The following ADD2 variants were observed in gnomAD, a reference collection of about 807,000 sequenced individuals.
The protein encoded by ADD2 is adducin 2.
Under a neutral mutation model 83.0 loss-of-function variants are expected in ADD2, and 23 were observed. That is an observed-to-expected ratio of 0.28 (90% CI 0.20 to 0.39). The LOEUF is 0.39. ADD2 is among the 10% of genes least tolerant of loss of function. ADD2 has a pLI of 1.00. For synonymous variants in ADD2, 375 were observed against 375.4 expected (o/e 1.00, Z 0.01); for missense variants, 758 against 944.9 (o/e 0.80, Z 2.59).
In ADD2 at chr2:70,663,108, G is replaced by T; in HGVS notation, c.*317C>A. 3.6e-6 allele frequency: 1 copy of T among 276,224 alleles called. No individual in the cohort carries two copies. Among genetic ancestry groups the T allele is most frequent in the Non-Finnish European group, 6.8e-6 (1 of 146,172 alleles). The allele number at this position is 276,224 out of a possible 1,614,324, so 17.1% of individuals were successfully genotyped here. On this transcript the variant is annotated 3_prime_UTR_variant, in exon 16 of 16. Transcript: ENST00000264436. ...CTTCTTGCCCTAGGCTCAGATTGGT[G>T]GACAGCATCCAAACAAAGGCAGCCC...
chr2:70,687,610 AAACAAAC>A (rs1670805395), intron 9 of ADD2, among the ~76,000 whole-genome samples: 1 of 151,854 alleles, frequency 6.6e-6, no homozygotes, highest in South Asian at 2.1e-4. Flanking sequence ...ACAAACAAAC[AAACAAAC>A]AAACAAACAA....
At chr2:70,669,776 A>AC (rs1412113211) in intron 15 of ADD2, among the ~76,000 whole-genome samples, 24 of 152,192 alleles carry the variant, frequency 1.6e-4, no homozygotes, top group African/African-American at 5.6e-4. Flanking sequence ...GCCTTATACC[A>AC]CCATGTATAA....
intron 10 of ADD2, among the ~76,000 whole-genome samples, chr2:70,683,160 A>G (rs1553369856): frequency 6.6e-6 from 1 of 151,412 alleles, no homozygotes; most frequent in Non-Finnish European, 1.5e-5. Flanking sequence ...AGTAGCTGGG[A>G]CTACAGGTAT....
chr2:70,666,643 G>A (rs573738363), intron 15 of ADD2, among the ~76,000 whole-genome samples: 2 of 152,326 alleles, frequency 1.3e-5, no homozygotes, highest in Admixed American at 1.3e-4. Context: ...CCTGCCTGGT[G>A]GCAATGAGTA....
At chr2:70,756,071 G>GAAAAAAAAAAAAAAAAAAAAAAAAAA (rs10549289) in intron 1 of ADD2, among the ~76,000 whole-genome samples, 2 of 117,398 alleles carry the variant, frequency 1.7e-5, no homozygotes, top group Non-Finnish European at 1.9e-5. Flanking sequence ...GCAAAAAAAA[G>GAAAAAAAAAAAAAAAAAAAAAAAAAA]AAAAAAAAAA....
In ADD2 at chr2:70,663,289, T is replaced by G; in HGVS notation, c.*136A>C. 9.8e-7 allele frequency: 1 copy of G among 1,019,684 alleles called. No homozygotes were observed. Among genetic ancestry groups the G allele is most frequent in the Non-Finnish European group, 1.4e-6 (1 of 693,864 alleles). 63.2% of individuals were successfully genotyped at this position (1,019,684 alleles called of 1,614,324 possible). On this transcript the variant is annotated 3_prime_UTR_variant, in exon 16 of 16. Transcript: ENST00000264436. ...GTAAAACGAAGGGTTGGTCGGGTGA[T>G]CTCTAAGTTCCCCTTCCGAATGTGG...
In ADD2 at chr2:70,704,448, C is replaced by T. The variant is rs545873827; in HGVS notation, c.195G>A (p.Glu65=). The part of the protein sequence containing the change: ...TMILQSPSFR[E]ELEGLIQEQM... ...GCTCCTGGATGAGGCCTTCCAGCTC[C>T]TCCCTGAAAGACTGAAGCAGGCCCC... The change falls in exon 4 of 16, where the codon GAG becomes GAA. Residue 65 remains glutamate, a synonymous_variant. Transcript: ENST00000264436. The T allele has an allele frequency of 5.6e-5, 91 of 1,614,052 alleles. No individual in the cohort carries two copies. Among genetic ancestry groups the T allele is most frequent in the Non-Finnish European group, 7.0e-5 (83 of 1,180,034 alleles).
chr2:70,716,569 GTC>G (rs1175318138), intron 1 of ADD2, among the ~76,000 whole-genome samples: 5 of 152,194 alleles, frequency 3.3e-5, no homozygotes, highest in Admixed American at 3.3e-4. Flanking sequence ...GGCGGCCTGT[GTC>G]TCTGCGTTTC....
chr2:70,677,944 A>G (rs1553368734), intron 11 of ADD2, 67 bp from the exon 12 acceptor site: 1 of 1,600,816 alleles, frequency 6.2e-7, no homozygotes, highest in African/African-American at 1.3e-5. Context: ...CCAGTGGTCC[A>G]CCCACGAGAT....
intron 1 of ADD2, among the ~76,000 whole-genome samples, chr2:70,750,011 A>T (rs782264713): frequency 3.9e-5 from 6 of 152,342 alleles, no homozygotes; most frequent in Non-Finnish European, 7.4e-5. Context: ...TTTGGGGATC[A>T]GTAGGGTATA....
chr2:70,699,771 T>G (rs1671494971), intron 4 of ADD2, among the ~76,000 whole-genome samples: 1 of 151,772 alleles, frequency 6.6e-6, no homozygotes, highest in African/African-American at 2.4e-5. Flanking sequence ...CAGGGCAAGA[T>G]CCTGTCTCAA....
intron 1 of ADD2, among the ~76,000 whole-genome samples, chr2:70,718,821 C>T (rs531949398): frequency 6.6e-6 from 1 of 152,286 alleles, no homozygotes; most frequent in African/African-American, 2.4e-5. Context: ...GTTACTTCAC[C>T]ACACTTTCTG....
intron 1 of ADD2, among the ~76,000 whole-genome samples, chr2:70,723,805 TG>T (rs1259697869): frequency 1.3e-5 from 2 of 152,076 alleles, no homozygotes; most frequent in Non-Finnish European, 2.9e-5. Context: ...TCTTTGAGCT[TG>T]GAACTCAAAG....
intron 1 of ADD2, among the ~76,000 whole-genome samples, chr2:70,725,141 G>A (rs1672923460): frequency 6.6e-6 from 1 of 152,194 alleles, no homozygotes; most frequent in Non-Finnish European, 1.5e-5. Context: ...AAAGCAGAGT[G>A]GTAATTATGG....
intron 4 of ADD2, among the ~76,000 whole-genome samples, chr2:70,702,670 T>C (rs568253230): frequency 1.8e-4 from 25 of 142,332 alleles, no homozygotes; most frequent in Admixed American, 7.0e-4. Flanking sequence ...AAAAATGCCA[T>C]GGACAAAACT....
rs1476164168 is a variant in ADD2, at chr2:70,748,329, C to G, written c.-154+19557G>C. Among the ~76,000 whole-genome samples, 3 of 150,494 alleles carry G rather than the reference C, an allele frequency of 2.0e-5. 1 individual carries two copies. Among genetic ancestry groups the G allele is most frequent in the Admixed American group, 2.0e-4 (3 of 15,134 alleles). On this transcript the variant is annotated intron_variant, in intron 1 of 15. Transcript: ENST00000264436. ...AAGGAATCCTTTTTTGGAATCTATTCTGTGTCTCTGTGTAGCTATCATTGA... is the reference window on the plus strand; with the variant it reads ...AAGGAATCCTTTTTTGGAATCTATTGTGTGTCTCTGTGTAGCTATCATTGA...
intron 1 of ADD2, among the ~76,000 whole-genome samples, chr2:70,727,934 A>C (rs1025979790): frequency 8.9e-5 from 13 of 146,510 alleles, no homozygotes; most frequent in African/African-American, 3.0e-4. Flanking sequence ...TAAATAAATA[A>C]AATGCAGAAT....
rs1670127020 is a variant in ADD2, at chr2:70,676,140, C to T, written c.1593+656G>A. Reference sequence around the variant, plus strand: ...TTTTACTGCTAAGGAAAATGTCATGCCCATTGCTACCTTGCAAGGAGCAGC... The same window carrying T: ...TTTTACTGCTAAGGAAAATGTCATGTCCATTGCTACCTTGCAAGGAGCAGC... On this transcript the variant is annotated intron_variant, in intron 13 of 15. Transcript: ENST00000264436. This position sits in a 1 kb window ranked among gnomAD's most constrained non-coding sequence, Gnocchi z 4.8. 1 of 985,466 alleles carries T rather than the reference C, an allele frequency of 1.0e-6. No homozygotes were observed. The highest frequency in any genetic ancestry group is 1.2e-6 in the Non-Finnish European group (1 of 829,958). 61.0% of individuals were successfully genotyped at this position (985,466 alleles called of 1,614,324 possible). A position where few individuals can be genotyped will look rare whatever the true frequency, so the allele number is the denominator to read the frequency against.
intron 10 of ADD2, among the ~76,000 whole-genome samples, chr2:70,680,533 T>C (rs762029021): frequency 5.4e-4 from 83 of 152,340 alleles, no homozygotes; most frequent in Non-Finnish European, 1.0e-3. Context: ...TTTTGTCAAG[T>C]CCTCATACCT....
Sources: allele counts gnomAD v4.1 joint callset (sites outside exome capture counted in the v4.1 genomes callset), GRCh38; gene constraint gnomAD v4.1.1; non-coding constraint Gnocchi (gnomAD v3.1); transcripts MANE v1.5; gene names NCBI Gene and HGNC (gene_info 2026-07-23, HGNC 2026-07-21).